Variants in S100A8 observed in about 807,000 individuals in gnomAD.
S100A8 encodes the protein protein S100-A8.
A neutral mutation model predicts 4.2 loss-of-function variants in S100A8; 1 was observed. That is an observed-to-expected ratio of 0.24 (90% CI 0.08 to 1.12). S100A8 has a LOEUF of 1.12. Ranked by LOEUF, S100A8 falls within the 50% of genes most tolerant of loss-of-function variation. S100A8 has a pLI of 0.53. For synonymous variants in S100A8, 41 were observed against 44.7 expected (o/e 0.92, Z 0.33); for missense variants, 96 against 111.8 (o/e 0.86, Z 0.64).
At chr1:153,409,982 C>G in the S100A8 span, among the ~76,000 whole-genome samples, 23,037 of 152,098 alleles carry the variant, frequency 0.15, 2,069 homozygotes, top group African/African-American at 0.26. Flanking sequence ...TCAAAGCAGT[C>G]TGTAGAGGGA....
chr1:153,405,386 A>C, the S100A8 span, among the ~76,000 whole-genome samples: 1 of 150,416 alleles, frequency 6.6e-6, no homozygotes, highest in Admixed American at 6.6e-5. Context: ...CATTTTGCGG[A>C]CCCTGGTCAG....
chr1:153,419,050 G>A, the S100A8 span: 3 of 1,330,168 alleles, frequency 2.3e-6, no homozygotes, highest in Non-Finnish European at 3.2e-6. Context: ...GCAGATCTAG[G>A]TACTTGTCTG....
At chr1:153,412,889 A>C in the S100A8 span, among the ~76,000 whole-genome samples, 1 of 152,234 alleles carries the variant, frequency 6.6e-6, no homozygotes, top group Admixed American at 6.5e-5. Context: ...CAAGGATAGA[A>C]AACCAAACAT....
At chr1:153,404,708 T>G in the S100A8 span, among the ~76,000 whole-genome samples, 2 of 152,238 alleles carry the variant, frequency 1.3e-5, no homozygotes, top group Admixed American at 1.3e-4. Flanking sequence ...TTATGCAGTG[T>G]CCTCTGGTAA....
chr1:153,391,065 A>AGCTG lies in S100A8; in HGVS notation c.-48_-47insCAGC. The AGCTG allele has an allele frequency of 1.0e-6, 1 of 986,594 alleles. No individual in the cohort carries two copies. The highest frequency in any genetic ancestry group is 1.2e-6 in the Non-Finnish European group (1 of 830,506). The allele number at this position is 986,594 out of a possible 1,614,324, so 61.1% of individuals were successfully genotyped here. ...CCAGGTCTTCTGAAAGACAGCTGAC[A>AGCTG]AGAGACATGCAGGGCTGAGAGGCAG... On this transcript the variant is annotated 5_prime_UTR_variant, in exon 1 of 3. Transcript: ENST00000368733.
At chr1:153,393,525 C>T (rs766656082), upstream of S100A8, among the ~76,000 whole-genome samples, 1 of 152,166 alleles carries the variant, frequency 6.6e-6, no homozygotes, top group Non-Finnish European at 1.5e-5. Context: ...TCACAATCAG[C>T]CATCTTAAAT....
the S100A8 span, chr1:153,419,441 T>C: frequency 1.7e-5 from 19 of 1,089,942 alleles, no homozygotes; most frequent in African/African-American, 4.8e-5. Context: ...TTAACTTTGT[T>C]GGAGAATTTC....
the S100A8 span, among the ~76,000 whole-genome samples, chr1:153,415,084 T>C: frequency 6.6e-6 from 1 of 152,180 alleles, no homozygotes; most frequent in Non-Finnish European, 1.5e-5. Flanking sequence ...GTTCCATCCA[T>C]GTTGCTGCAA....
the S100A8 span, among the ~76,000 whole-genome samples, chr1:153,403,500 C>T: frequency 6.6e-6 from 1 of 152,150 alleles, no homozygotes; most frequent in African/African-American, 2.4e-5. Context: ...GACTCTTGCT[C>T]AAAACAAGCT....
the S100A8 span, chr1:153,419,451 C>T: frequency 2.0e-5 from 19 of 960,774 alleles, no homozygotes; most frequent in Non-Finnish European, 2.6e-5. Context: ...TGGAGAATTT[C>T]CCCCACCCCC....
At chr1:153,398,511 C>T in the S100A8 span, among the ~76,000 whole-genome samples, 1 of 152,186 alleles carries the variant, frequency 6.6e-6, no homozygotes, top group Non-Finnish European at 1.5e-5. Context: ...TCAGCACCAT[C>T]CCTTCAGCCC....
chr1:153,407,332 G>A, the S100A8 span, among the ~76,000 whole-genome samples: 2 of 152,216 alleles, frequency 1.3e-5, no homozygotes, highest in East Asian at 1.9e-4. Flanking sequence ...CCCGTGCCTG[G>A]CTCGGACAGT....
At chr1:153,404,881 A>G in the S100A8 span, among the ~76,000 whole-genome samples, 1 of 152,076 alleles carries the variant, frequency 6.6e-6, no homozygotes, top group Non-Finnish European at 1.5e-5. Flanking sequence ...GCCACGTGGT[A>G]CTGCCTCCGG....
At chr1:153,406,586 A>G in the S100A8 span, among the ~76,000 whole-genome samples, 1 of 152,228 alleles carries the variant, frequency 6.6e-6, no homozygotes, top group African/African-American at 2.4e-5. Flanking sequence ...TGGATAAAAT[A>G]CAGCAAAAAG....
upstream of S100A8, among the ~76,000 whole-genome samples, chr1:153,391,669 C>T (rs755034556): frequency 2.9e-4 from 44 of 152,104 alleles, no homozygotes; most frequent in Non-Finnish European, 4.4e-4. Context: ...AGGGCTATAT[C>T]CATTCCTACC....
upstream of S100A8, among the ~76,000 whole-genome samples, chr1:153,391,695 C>T (rs554590401): frequency 2.4e-4 from 37 of 152,312 alleles, no homozygotes; most frequent in South Asian, 2.5e-3. Context: ...GCCCACACTC[C>T]TCCACAGCTT....
the S100A8 span, among the ~76,000 whole-genome samples, chr1:153,402,410 G>C: frequency 3.3e-5 from 5 of 152,156 alleles, no homozygotes; most frequent in African/African-American, 1.2e-4. Flanking sequence ...TCCAACCTTA[G>C]GGAGAGCAGG....
At chr1:153,420,556 G>A in the S100A8 span, 1 of 152,042 alleles carries the variant, frequency 6.6e-6, no homozygotes, top group Non-Finnish European at 1.5e-5. Context: ...TTGTTCTTTG[G>A]AATGACTGCT....
chr1:153,393,679 T>C, upstream of S100A8, among the ~76,000 whole-genome samples: 1 of 152,240 alleles, frequency 6.6e-6, no homozygotes, highest in East Asian at 1.9e-4. Context: ...CCTTGGTTAA[T>C]ACCTATTATT....
Sources: allele counts gnomAD v4.1 joint callset (sites outside exome capture counted in the v4.1 genomes callset), GRCh38; gene constraint gnomAD v4.1.1; transcripts MANE v1.5; gene names NCBI Gene and HGNC (gene_info 2026-07-23, HGNC 2026-07-21).